Variants in TAOK3 observed in about 807,000 individuals in gnomAD.
TAOK3 encodes the protein TAO kinase 3.
Under a neutral mutation model 120.4 loss-of-function variants are expected in TAOK3, and 40 were observed. The observed-to-expected ratio is 0.33, with a 90% CI of 0.26 to 0.43. TAOK3 has a LOEUF of 0.43. TAOK3 is among the 20% of genes least tolerant of loss of function. TAOK3 has a pLI of 1.00. For synonymous variants in TAOK3, 355 were observed against 387.5 expected, an observed-to-expected ratio of 0.92 and a Z score of 0.99; for missense variants, 821 against 1,112.1, an observed-to-expected ratio of 0.74 and a Z score of 3.72.
intron 1 of TAOK3, among the ~76,000 whole-genome samples, chr12:118,313,469 G>A (rs1329889180): frequency 6.6e-6 from 1 of 152,024 alleles, no homozygotes; most frequent in Non-Finnish European, 1.5e-5. Context: ...TAGAAATGAG[G>A]TTTCACCACA....
chr12:118,215,894 ATTT>A (rs1177263025), intron 9 of TAOK3, among the ~76,000 whole-genome samples: 4 of 142,160 alleles, frequency 2.8e-5, no homozygotes, highest in Non-Finnish European at 1.5e-5. Flanking sequence ...AATTTAAACA[ATTT>A]TTTTTTTTTT....
chr12:118,195,501 G>A (rs190431301), intron 13 of TAOK3, among the ~76,000 whole-genome samples: 312 of 152,272 alleles, frequency 2.0e-3, no homozygotes, highest in Middle Eastern at 6.8e-3. Context: ...AAGAATTGAG[G>A]TGTGGAATTG....
chr12:118,299,897 A>AT (rs2042817216), intron 1 of TAOK3, among the ~76,000 whole-genome samples: 1 of 152,038 alleles, frequency 6.6e-6, no homozygotes, highest in African/African-American at 2.4e-5. Context: ...TTACAATATA[A>AT]TTGTACTCCT....
chr12:118,256,536 A>G (rs1935464743), intron 2 of TAOK3, among the ~76,000 whole-genome samples: 1 of 152,246 alleles, frequency 6.6e-6, no homozygotes, highest in Non-Finnish European at 1.5e-5. Flanking sequence ...AAGAATAAAC[A>G]AAATGTGGTA....
chr12:118,341,665 CTTCA>C (rs2044625687), intron 1 of TAOK3, among the ~76,000 whole-genome samples: 1 of 151,954 alleles, frequency 6.6e-6, no homozygotes, highest in South Asian at 2.1e-4. Context: ...AAAACACTTC[CTTCA>C]TTCACAAGTT....
intron 13 of TAOK3, among the ~76,000 whole-genome samples, chr12:118,192,175 C>T (rs2037466751): frequency 6.6e-6 from 1 of 152,112 alleles, no homozygotes; most frequent in South Asian, 2.1e-4. Flanking sequence ...CAATTAAAAG[C>T]CACAATGTAT....
Position 118,213,894 on chromosome 12 carries a change from G to T in TAOK3, c.737+123C>A. 4 of 821,836 alleles carry T rather than the reference G, an allele frequency of 4.9e-6. No homozygotes were observed. The South Asian group carries it at 6.6e-5, about 14-fold the overall frequency. 50.9% of individuals were successfully genotyped at this position (821,836 alleles called of 1,614,324 possible). On this transcript the variant is annotated intron_variant, in intron 10 of 20. Transcript: ENST00000392533. The stretch of plus-strand genomic sequence containing the variant: ...TGCTTGTGAGGCATCAGTGTCACTT[G>T]TAACAACATACAGTGAAGGAAAGAA...
chr12:118,176,727 T>C (rs901175960), intron 16 of TAOK3, among the ~76,000 whole-genome samples: 2 of 151,572 alleles, frequency 1.3e-5, no homozygotes, highest in African/African-American at 2.4e-5. Flanking sequence ...AATCTGAAAA[T>C]CTGGGGGTGG....
chr12:118,258,162 T>C (rs1333100728), intron 2 of TAOK3, among the ~76,000 whole-genome samples: 2 of 152,106 alleles, frequency 1.3e-5, no homozygotes, highest in African/African-American at 2.4e-5. Flanking sequence ...GAAGCTGGTG[T>C]TGAGCCAAGG....
chr12:118,156,267 C>T (rs2034818018), intron 19 of TAOK3, among the ~76,000 whole-genome samples: 1 of 152,136 alleles, frequency 6.6e-6, no homozygotes. Flanking sequence ...TGGAAGTGGC[C>T]TGTTACCTGA....
At chr12:118,368,019 C>T (rs781041914) in intron 1 of TAOK3, among the ~76,000 whole-genome samples, 11 of 152,112 alleles carry the variant, frequency 7.2e-5, no homozygotes, top group Non-Finnish European at 1.5e-4. Flanking sequence ...CAATAGTTTG[C>T]CTGTATACGA....
intron 1 of TAOK3, among the ~76,000 whole-genome samples, chr12:118,309,329 A>G (rs1045992253): frequency 1.7e-5 from 2 of 116,730 alleles, no homozygotes; most frequent in African/African-American, 6.1e-5. Context: ...ACTGTCTCCA[A>G]AAAAAAAAAA....
intron 2 of TAOK3, among the ~76,000 whole-genome samples, chr12:118,265,341 A>T (rs908479279): frequency 6.7e-6 from 1 of 149,532 alleles, no homozygotes; most frequent in Non-Finnish European, 1.5e-5. Flanking sequence ...GTGAGCTGAG[A>T]TCATGCCACT....
intron 9 of TAOK3, among the ~76,000 whole-genome samples, chr12:118,217,816 C>CATATATAT (rs57197721): frequency 2.2e-3 from 101 of 45,944 alleles, no homozygotes; most frequent in Middle Eastern, 0.019. Context: ...TGTGTGTATA[C>CATATATAT]ATATATATAT....
chr12:118,243,661 C>G, intron 4 of TAOK3, 145 bp from the exon 5 acceptor site: 2 of 449,168 alleles, frequency 4.5e-6, no homozygotes, highest in East Asian at 7.3e-5. Flanking sequence ...TTTAAACATG[C>G]TATTTCTTTC....
intron 3 of TAOK3, among the ~76,000 whole-genome samples, chr12:118,253,669 G>T (rs1440165963): frequency 6.6e-6 from 1 of 151,862 alleles, no homozygotes; most frequent in African/African-American, 2.4e-5. Context: ...CCCGGGAGGT[G>T]GAGGTTGTAG....
At chr12:118,351,818 G>A (rs1031132078) in intron 1 of TAOK3, among the ~76,000 whole-genome samples, 2 of 144,170 alleles carry the variant, frequency 1.4e-5, no homozygotes, top group African/African-American at 2.6e-5. Flanking sequence ...GGATAAAAAT[G>A]CTTCTTGGTT....
intron 1 of TAOK3, among the ~76,000 whole-genome samples, chr12:118,324,552 A>G (rs1053764835): frequency 2.2e-4 from 34 of 151,716 alleles, no homozygotes; most frequent in South Asian, 4.2e-4. Flanking sequence ...CTTCCCTGCT[A>G]TCCTTTCCAG....
Position 118,371,686 on chromosome 12 carries a change from T to TG in TAOK3, c.-194+961dup, listed in dbSNP as rs996295340. Among the ~76,000 whole-genome samples the TG allele has an allele frequency of 4.9e-4, 74 of 152,070 alleles. No individual in the cohort carries two copies. Among genetic ancestry groups the TG allele is most frequent in the Non-Finnish European group, 9.1e-4 (62 of 67,930 alleles). ...CCAGGCTCCCCGCCGCAGCCGTTCTTGGGGGGGCTCCCGCAACTCAGCGGG... is the reference window on the plus strand; with the variant it reads ...CCAGGCTCCCCGCCGCAGCCGTTCTTGGGGGGGGCTCCCGCAACTCAGCGGG... On this transcript the variant is annotated intron_variant, in intron 1 of 20. Transcript: ENST00000392533. The surrounding 1 kb of genome is among the most constrained non-coding windows in gnomAD (Gnocchi z 5.5).
Sources: allele counts gnomAD v4.1 joint callset (sites outside exome capture counted in the v4.1 genomes callset), GRCh38; gene constraint gnomAD v4.1.1; non-coding constraint Gnocchi (gnomAD v3.1); transcripts MANE v1.5; gene names NCBI Gene and HGNC (gene_info 2026-07-23, HGNC 2026-07-21).